The following PCDHGA7 variants were observed in gnomAD, a reference collection of about 807,000 sequenced individuals.
PCDHGA7 encodes protocadherin gamma-A7.
A neutral mutation model predicts 58.3 loss-of-function variants in PCDHGA7; 44 were observed. That is an observed-to-expected ratio of 0.75 (90% CI 0.59 to 0.97). The LOEUF (loss-of-function observed/expected upper bound fraction) is 0.97. PCDHGA7 is among the 50% of genes least tolerant of loss of function. The probability of loss-of-function intolerance (pLI) is 0.00; values close to 1 mark genes in which losing one functional copy is unlikely to be tolerated. For missense variants in PCDHGA7, 1,266 were observed against 1,188.7 expected (o/e 1.06, Z -0.96); for synonymous variants, 516 against 504.2 (o/e 1.02, Z -0.31).
chr5:141,404,908 C>T, intron 1 of PCDHGA7: 1 of 1,613,882 alleles, frequency 6.2e-7, no homozygotes, highest in Non-Finnish European at 8.5e-7. Context: ...ATGGCCAGCC[C>T]CCTCTCTCGG....
At chr5:141,415,656 T>C (rs1211470385) in intron 1 of PCDHGA7, 9 of 1,585,542 alleles carry the variant, frequency 5.7e-6, no homozygotes, top group African/African-American at 1.4e-5. Flanking sequence ...AAAAAAAGAT[T>C]GGTTTTTACT....
rs755576652 is a variant in PCDHGA7 at position 141,410,511 on chromosome 5, G to A, written c.2424+25188G>A. 4.3e-6 allele frequency: 7 copies of A among 1,613,942 alleles called. No individual in the cohort carries two copies. In the Admixed American group the frequency reaches 8.3e-5, roughly 19 times the overall value. On this transcript the variant is annotated intron_variant, in intron 1 of 3. Transcript: ENST00000518325. ...AAAGAGTTTAATTTCCTAAAATGCA[G>A]TGTGCCCCTACATTCCAATGAAGAC... is the stretch of plus-strand genomic sequence containing the variant.
In PCDHGA7 at chr5:141,454,484, G is replaced by A. The variant is rs555881095; in HGVS notation, c.2425-40323G>A. On this transcript the variant is annotated intron_variant, in intron 1 of 3. Transcript: ENST00000518325. The stretch of plus-strand genomic sequence containing the variant: ...TGCAATGGCATGATCTCAGCTCACC[G>A]CAACCTCCACCTCCTGGATTCAGGC... Among the ~76,000 whole-genome samples, 7 of 152,218 alleles carry A rather than the reference G, an allele frequency of 4.6e-5. No individual in the cohort carries two copies. In the East Asian group the frequency reaches 7.7e-4, roughly 17 times the overall value.
In PCDHGA7 at chr5:141,486,709, C is replaced by G. The variant is rs1485764871; in HGVS notation, c.2425-8098C>G. ...CTTCCTCTTTCATCTCTCTGAACCC[C>G]CAGACAGGAGCTGTTCATGCTACTC... On this transcript the variant is annotated intron_variant, in intron 1 of 3. Coordinates refer to ENST00000518325, the MANE Select transcript of PCDHGA7 (RefSeq NM_018920.4). The surrounding 1 kb of genome is among the most constrained non-coding windows in gnomAD (Gnocchi z 5.0). 1 of 1,614,182 alleles carries G rather than the reference C, an allele frequency of 6.2e-7. No individual in the cohort carries two copies. Among genetic ancestry groups the G allele is most frequent in the Middle Eastern group, 1.6e-4 (1 of 6,062 alleles).
chr5:141,414,420 C>G, intron 1 of PCDHGA7: 1 of 1,613,822 alleles, frequency 6.2e-7, no homozygotes, highest in Non-Finnish European at 8.5e-7. Flanking sequence ...GAGCCCTTGA[C>G]AGGGAACAGG....
At chr5:141,392,818 C>T (rs1306076998) in intron 1 of PCDHGA7, 1 of 1,589,068 alleles carries the variant, frequency 6.3e-7, no homozygotes, top group East Asian at 2.2e-5. Flanking sequence ...ACAACAATGG[C>T]CGCTCCACAG....
intron 1 of PCDHGA7, chr5:141,418,458 T>C: frequency 6.2e-7 from 1 of 1,614,010 alleles, no homozygotes; most frequent in African/African-American, 1.3e-5. Context: ...CAGAAGACTC[T>C]GGACCGAGAA....
chr5:141,470,565 A>T (rs2099233471), intron 1 of PCDHGA7, among the ~76,000 whole-genome samples: 1 of 152,172 alleles, frequency 6.6e-6, no homozygotes, highest in African/African-American at 2.4e-5. Context: ...CCTCTGTGCC[A>T]AGCAGGATCA....
chr5:141,399,937 G>A lies in PCDHGA7; in HGVS notation c.2424+14614G>A. 1.9e-6 allele frequency: 3 copies of A among 1,612,360 alleles called. No individual in the cohort carries two copies. The highest frequency in any genetic ancestry group is 2.5e-6 in the Non-Finnish European group (3 of 1,179,744). ...ACACAACGCCTGGCTGTCCTACCAC[G>A]TGCTGCAGGCTAGCGAGCCCGGGCT... On this transcript the variant is annotated intron_variant, in intron 1 of 3. Transcript: ENST00000518325.
chr5:141,415,853 G>A, intron 1 of PCDHGA7: 1 of 1,186,350 alleles, frequency 8.4e-7, no homozygotes, highest in Non-Finnish European at 1.1e-6. Flanking sequence ...GCAGAACCTT[G>A]TAGTTTATAG....
Position 141,476,696 on chromosome 5 carries a change from G to T in PCDHGA7, c.2425-18111G>T, listed in dbSNP as rs750429892. ...GACGCGGGAGGACAGCACCAAGTAC[G>T]CGGAGCTGGTGTTGGAGCGCGCCCT... On this transcript the variant is annotated intron_variant, in intron 1 of 3. Transcript: ENST00000518325. This position sits in a 1 kb window ranked among gnomAD's most constrained non-coding sequence, Gnocchi z 7.6. 3 of 1,614,102 alleles carry T rather than the reference G, an allele frequency of 1.9e-6. No individual in the cohort carries two copies. The highest frequency in any genetic ancestry group is 2.5e-6 in the Non-Finnish European group (3 of 1,180,050).
At chr5:141,394,311 C>G in intron 1 of PCDHGA7, 3 of 1,613,986 alleles carry the variant, frequency 1.9e-6, no homozygotes, top group Non-Finnish European at 1.7e-6. Context: ...GCAGGGGGCG[C>G]CCCTGTCCTC....
Position 141,384,543 on chromosome 5 carries a change from G to A in PCDHGA7, c.1644G>A (p.Leu548=), listed in dbSNP as rs767368247. The A allele has an allele frequency of 2.5e-6, 4 of 1,614,256 alleles. No individual in the cohort carries two copies. Among genetic ancestry groups the A allele is most frequent in the South Asian group, 1.1e-5 (1 of 91,090 alleles). Residue 548 remains leucine (L), a synonymous_variant, in exon 1 of 4, where the codon CTG becomes CTA. Coordinates refer to ENST00000518325, the MANE Select transcript of PCDHGA7 (RefSeq NM_018920.4). ...CGCCTCTCAGCAGCAACATGTCACTGAGCCTGTTCGTGCTGGACCAGAATG... is the reference window on the plus strand; with the variant it reads ...CGCCTCTCAGCAGCAACATGTCACTAAGCCTGTTCGTGCTGGACCAGAATG... ...GDPPLSSNMS[L]SLFVLDQNDN... is the part of the protein sequence containing the mutation.
intron 1 of PCDHGA7, chr5:141,420,202 C>T (rs2096476837): frequency 6.2e-7 from 1 of 1,613,136 alleles, no homozygotes. Flanking sequence ...AAGATAACCT[C>T]AACAAAGATA....
At chr5:141,451,610 G>T (rs184745360) in intron 1 of PCDHGA7, among the ~76,000 whole-genome samples, 60 of 152,298 alleles carry the variant, frequency 3.9e-4, no homozygotes, top group African/African-American at 1.3e-3. Context: ...GGCTAGGCAT[G>T]GTGGCTCAAA....
At chr5:141,418,407 A>C (rs1165583519) in intron 1 of PCDHGA7, 1 of 1,613,926 alleles carries the variant, frequency 6.2e-7, no homozygotes, top group Non-Finnish European at 8.5e-7. Flanking sequence ...TTGGTGGAGA[A>C]AGACAATCCT....
chr5:141,413,816 T>A (rs1422730893), intron 1 of PCDHGA7: 1 of 1,613,128 alleles, frequency 6.2e-7, no homozygotes, highest in Non-Finnish European at 8.5e-7. Flanking sequence ...ATTCACCACC[T>A]GGTCCTCACC....
At chr5:141,492,168 A>C (rs1426223836) in intron 1 of PCDHGA7, among the ~76,000 whole-genome samples, 1 of 152,108 alleles carries the variant, frequency 6.6e-6, no homozygotes, top group African/African-American at 2.4e-5. Context: ...CTATCCCCGC[A>C]TCACCCAACC....
At chr5:141,427,396 A>G (rs1303085720) in intron 1 of PCDHGA7, 1 of 460,578 alleles carries the variant, frequency 2.2e-6, no homozygotes, top group Non-Finnish European at 4.4e-6. Context: ...AAAACACATG[A>G]TAAAGATTCG....
Sources: allele counts gnomAD v4.1 joint callset (sites outside exome capture counted in the v4.1 genomes callset), GRCh38; gene constraint gnomAD v4.1.1; non-coding constraint Gnocchi (gnomAD v3.1); transcripts MANE v1.5; gene names NCBI Gene and HGNC (gene_info 2026-07-23, HGNC 2026-07-21).